VTI1A: variants seen among roughly 807,000 people sequenced by gnomAD.
The protein encoded by VTI1A is vesicle transport through interaction with t-SNAREs 1A, also known as vesicle transport through interaction with t-SNAREs homolog 1A.
Under a neutral mutation model 34.9 loss-of-function variants are expected in VTI1A, and 22 were observed. The ratio of observed to expected loss-of-function variants is 0.63; its 90% CI spans 0.45 to 0.90. The LOEUF is 0.90. Ranked by LOEUF, VTI1A falls within the 40% of genes least tolerant of loss-of-function variation. The probability of loss-of-function intolerance (pLI) is 0.00; values close to 1 mark genes in which losing one functional copy is unlikely to be tolerated. For missense variants in VTI1A, 268 were observed against 275.6 expected (o/e 0.97, Z 0.20); for synonymous variants, 87 against 97.3 (o/e 0.89, Z 0.62).
At chr10:112,738,294 T>C (rs956790427) in intron 7 of VTI1A, among the ~76,000 whole-genome samples, 1 of 152,198 alleles carries the variant, frequency 6.6e-6, no homozygotes, top group Admixed American at 6.5e-5. Flanking sequence ...CAATGTTAAC[T>C]TCTGTCTGAA....
intron 5 of VTI1A, among the ~76,000 whole-genome samples, chr10:112,649,738 A>C (rs1306354622): frequency 2.6e-5 from 4 of 152,222 alleles, no homozygotes; most frequent in Non-Finnish European, 5.9e-5. Flanking sequence ...AGCACACCTA[A>C]TGTAATGGTC....
chr10:112,567,764 A>G (rs1242445018), intron 5 of VTI1A, among the ~76,000 whole-genome samples: 3 of 152,198 alleles, frequency 2.0e-5, no homozygotes, highest in Non-Finnish European at 4.4e-5. Context: ...GACCTGTTCA[A>G]ATTCGAGAGT....
At chr10:112,829,700 G>A in the VTI1A span, among the ~76,000 whole-genome samples, 1 of 152,178 alleles carries the variant, frequency 6.6e-6, no homozygotes, top group East Asian at 1.9e-4. Flanking sequence ...GTTGCAGTGA[G>A]CTAAGATTGT....
At chr10:112,819,786 T>C (rs1358772490), downstream of VTI1A, among the ~76,000 whole-genome samples, 1 of 152,352 alleles carries the variant, frequency 6.6e-6, no homozygotes. Context: ...CTATGGCTGC[T>C]GTCTATGTCT....
At chr10:112,500,211 C>G (rs766318366) in intron 3 of VTI1A, among the ~76,000 whole-genome samples, 2 of 151,966 alleles carry the variant, frequency 1.3e-5, no homozygotes, top group Non-Finnish European at 2.9e-5. Flanking sequence ...CCAAGGTGGG[C>G]GGATCATGAG....
chr10:112,748,238 A>T (rs1850974209), intron 7 of VTI1A, among the ~76,000 whole-genome samples: 1 of 152,140 alleles, frequency 6.6e-6, no homozygotes, highest in Non-Finnish European at 1.5e-5. Flanking sequence ...ACAATGTTAG[A>T]TTAGTCATAC....
Position 112,467,131 on chromosome 10 carries a change from G to C in VTI1A, c.264+2474G>C, listed in dbSNP as rs571927027. 2.6e-5 allele frequency among the ~76,000 whole-genome samples: 4 copies of C among 152,188 alleles called. No individual in the cohort carries two copies. In the East Asian group the frequency reaches 7.7e-4, roughly 29 times the overall value. On this transcript the variant is annotated intron_variant, in intron 3 of 7. Coordinates refer to ENST00000393077, the MANE Select transcript of VTI1A (RefSeq NM_145206.4). ...AATTCAGTTCATAATGTTTAGGTCA[G>C]TTTTAATCTTTTATTCTTAATTTTT...
intron 7 of VTI1A, among the ~76,000 whole-genome samples, chr10:112,713,340 T>G (rs955331905): frequency 1.2e-4 from 19 of 152,232 alleles, no homozygotes; most frequent in Non-Finnish European, 2.8e-4. Flanking sequence ...TTTTTACCAT[T>G]ATTGTCAAGA....
intron 5 of VTI1A, among the ~76,000 whole-genome samples, chr10:112,606,321 G>A (rs367598456): frequency 6.6e-6 from 1 of 152,006 alleles, no homozygotes; most frequent in Non-Finnish European, 1.5e-5. Context: ...CACCGCGCCC[G>A]GCCATTGCGT....
chr10:112,748,096 T>C (rs1369630663), intron 7 of VTI1A, among the ~76,000 whole-genome samples: 1 of 151,924 alleles, frequency 6.6e-6, no homozygotes, highest in East Asian at 1.9e-4. Context: ...TAAAGGTCAC[T>C]CAGCTAATCT....
At chr10:112,828,679 A>G in the VTI1A span, among the ~76,000 whole-genome samples, 54 of 151,942 alleles carry the variant, frequency 3.6e-4, no homozygotes, top group African/African-American at 1.3e-3. Context: ...TTCTGGGATT[A>G]CAGGCATGAG....
intron 1 of VTI1A, among the ~76,000 whole-genome samples, chr10:112,460,016 G>A (rs553805961): frequency 1.0e-3 from 154 of 152,174 alleles, no homozygotes; most frequent in African/African-American, 3.5e-3. Context: ...AGTAGCTTTC[G>A]GTTTGGAATC....
chr10:112,774,276 T>G (rs1262427561), intron 7 of VTI1A, among the ~76,000 whole-genome samples: 6 of 152,164 alleles, frequency 3.9e-5, no homozygotes, highest in Non-Finnish European at 8.8e-5. Context: ...CACAAAGGCA[T>G]CTGTGTTTTC....
intron 7 of VTI1A, among the ~76,000 whole-genome samples, chr10:112,804,677 A>G (rs1331477372): frequency 1.3e-5 from 2 of 151,946 alleles, no homozygotes. Flanking sequence ...GGCTTCTGTC[A>G]TTCATTGATT....
intron 7 of VTI1A, among the ~76,000 whole-genome samples, chr10:112,722,167 T>G (rs1405246600): frequency 6.6e-6 from 1 of 152,202 alleles, no homozygotes; most frequent in Non-Finnish European, 1.5e-5. Flanking sequence ...ATTACTGGTT[T>G]GTAAAAGGTT....
chr10:112,602,455 A>G (rs915067222), intron 5 of VTI1A, among the ~76,000 whole-genome samples: 1 of 152,236 alleles, frequency 6.6e-6, no homozygotes, highest in South Asian at 2.1e-4. Flanking sequence ...TAAGATAGAG[A>G]CTTATCAAAG....
chr10:112,757,444 G>A (rs1851328051), intron 7 of VTI1A, among the ~76,000 whole-genome samples: 1 of 125,656 alleles, frequency 8.0e-6, no homozygotes, highest in Non-Finnish European at 1.6e-5. Flanking sequence ...TCAGCTCACT[G>A]CAACCTCCGC....
Position 112,491,476 on chromosome 10 carries a change from C to T in VTI1A, c.264+26819C>T, listed in dbSNP as rs184600663. On this transcript the variant is annotated intron_variant, in intron 3 of 7. Coordinates refer to ENST00000393077, the MANE Select transcript of VTI1A (RefSeq NM_145206.4). ...CTCTGAGATGTGATTCTTTTTAAGA[C>T]TGAAGATCAGCACTGTTCAATAGAA... 2.3e-3 allele frequency among the ~76,000 whole-genome samples: 350 copies of T among 152,276 alleles called. 3 individuals are homozygous for T. Among genetic ancestry groups the T allele is most frequent in the African/African-American group, 8.1e-3 (335 of 41,550 alleles).
intron 5 of VTI1A, among the ~76,000 whole-genome samples, chr10:112,657,046 A>G (rs998850477): frequency 6.6e-6 from 1 of 152,044 alleles, no homozygotes; most frequent in Non-Finnish European, 1.5e-5. Context: ...GCTTTCCGTC[A>G]TGACTGAAAG....
Sources: allele counts gnomAD v4.1 joint callset (sites outside exome capture counted in the v4.1 genomes callset), GRCh38; gene constraint gnomAD v4.1.1; transcripts MANE v1.5; gene names NCBI Gene and HGNC (gene_info 2026-07-23, HGNC 2026-07-21).